NT5DC1: variants seen among roughly 807,000 people sequenced by gnomAD.
NT5DC1 encodes 5'-nucleotidase domain-containing protein 1.
NT5DC1 carries 42 observed loss-of-function variants against 59.4 expected under a neutral mutation model. That is an observed-to-expected ratio of 0.71 (90% CI 0.55 to 0.92). The LOEUF is 0.92. Ranked by LOEUF, NT5DC1 falls within the 40% of genes least tolerant of loss-of-function variation. NT5DC1 has a pLI of 0.00. For missense variants in NT5DC1, 501 were observed against 537.1 expected (o/e 0.93, Z 0.66); for synonymous variants, 172 against 188.1 (o/e 0.91, Z 0.70).
In NT5DC1 at chr6:116,247,850, A is replaced by G. The variant is rs1041488881; in HGVS notation, c.*3826A>G. The G allele has an allele frequency of 5.3e-5, 8 of 152,236 alleles. No individual in the cohort carries two copies. Among genetic ancestry groups the G allele is most frequent in the African/African-American group, 1.4e-4 (6 of 41,476 alleles). 9.4% of individuals were successfully genotyped at this position (152,236 alleles called of 1,614,324 possible). ...ACAGAAATGTCAGCGGTTACTTACA[A>G]TGCTTAGCAGCTAAATTCCATGAGT... is the stretch of plus-strand genomic sequence containing the variant. On this transcript the variant is annotated 3_prime_UTR_variant, in exon 12 of 12. Transcript: ENST00000319550.
At chr6:116,167,206 ATTTTTTTTTT>A (rs61348980) in intron 6 of NT5DC1, among the ~76,000 whole-genome samples, 25 of 87,814 alleles carry the variant, frequency 2.8e-4, no homozygotes, top group Non-Finnish European at 4.2e-4. Flanking sequence ...CAAATAGAAG[ATTTTTTTTTT>A]TTTTTTTTTT....
At chr6:116,241,924 AAAAAAAAAAAAAAACAAAAC>A (rs1488499064) in intron 11 of NT5DC1, among the ~76,000 whole-genome samples, 664 of 38,248 alleles carry the variant, frequency 0.017, 27 homozygotes, top group African/African-American at 0.086. Context: ...CTCCGTCTCA[AAAAAAAAAAAAAAACAAAAC>A]AAAAAAAAAA....
chr6:116,212,880 CATTT>C lies in NT5DC1; in HGVS notation c.530-8171_530-8168del, dbSNP rs756050998. 8.5e-5 allele frequency among the ~76,000 whole-genome samples: 13 copies of C among 152,150 alleles called. No homozygotes were observed. The East Asian group carries it at 1.2e-3, about 14-fold the overall frequency. On this transcript the variant is annotated intron_variant, in intron 6 of 11. Coordinates refer to ENST00000319550, the MANE Select transcript of NT5DC1 (RefSeq NM_152729.3). ...TTGGATTTCTTTAAACTGTTTAAAACATTTATGCTGACAAAAGCTTTTCATGTAT... is the reference window on the plus strand; with the variant it reads ...TTGGATTTCTTTAAACTGTTTAAAACATGCTGACAAAAGCTTTTCATGTAT...
At chr6:116,183,173 C>A (rs1018519359) in intron 6 of NT5DC1, among the ~76,000 whole-genome samples, 15 of 152,052 alleles carry the variant, frequency 9.9e-5, no homozygotes, top group African/African-American at 3.6e-4. Flanking sequence ...TGTCGAAGAT[C>A]AGTAGGCTGT....
intron 6 of NT5DC1, among the ~76,000 whole-genome samples, chr6:116,169,019 A>C (rs1262565362): frequency 6.6e-6 from 1 of 152,046 alleles, no homozygotes; most frequent in Non-Finnish European, 1.5e-5. Flanking sequence ...ATTAGCCTCT[A>C]CCTAACCTTG....
intron 6 of NT5DC1, among the ~76,000 whole-genome samples, chr6:116,176,991 T>G (rs1780748186): frequency 6.6e-6 from 1 of 152,208 alleles, no homozygotes; most frequent in East Asian, 1.9e-4. Flanking sequence ...TTTATCTTAC[T>G]GAATTGAAGA....
intron 6 of NT5DC1, among the ~76,000 whole-genome samples, chr6:116,202,472 C>T (rs1178521398): frequency 6.6e-6 from 1 of 151,902 alleles, no homozygotes; most frequent in East Asian, 1.9e-4. Flanking sequence ...CTTGATTCCA[C>T]CTTTAAGAGT....
intron 6 of NT5DC1, among the ~76,000 whole-genome samples, chr6:116,208,061 A>C (rs893835557): frequency 6.6e-6 from 1 of 151,986 alleles, no homozygotes; most frequent in African/African-American, 2.4e-5. Context: ...TGAGCACTTC[A>C]GTCCTCAGTG....
intron 6 of NT5DC1, among the ~76,000 whole-genome samples, chr6:116,139,790 T>C (rs1449826990): frequency 1.3e-5 from 2 of 152,160 alleles, no homozygotes; most frequent in African/African-American, 4.8e-5. Context: ...ATATTAATAT[T>C]AAGACATCTT....
chr6:116,100,979 C>T lies in NT5DC1; in HGVS notation c.49C>T (p.Leu17=), dbSNP rs770028045. ...CGCCTGCGACGTGGTCGGATTCGAC[C>T]TGGACCACACTCTGTGTCGCTACAA... The part of the protein sequence containing the change: ...LAACDVVGFD[L]DHTLCRYNLP... Residue 17 remains leucine (L), a synonymous_variant, in exon 1 of 12, where the codon CTG becomes TTG. Transcript: ENST00000319550. 3.1e-6 allele frequency: 5 copies of T among 1,605,596 alleles called. No individual in the cohort carries two copies. The highest frequency in any genetic ancestry group is 2.7e-5 in the African/African-American group (2 of 73,274).
At chr6:116,164,853 G>T (rs906474813) in intron 6 of NT5DC1, among the ~76,000 whole-genome samples, 1 of 152,058 alleles carries the variant, frequency 6.6e-6, no homozygotes, top group Non-Finnish European at 1.5e-5. Flanking sequence ...GGAGGCCGAG[G>T]CAGGCAGATC....
At chr6:116,138,374 G>A (rs1779674725) in intron 6 of NT5DC1, among the ~76,000 whole-genome samples, 1 of 152,202 alleles carries the variant, frequency 6.6e-6, no homozygotes, top group Non-Finnish European at 1.5e-5. Flanking sequence ...AGGAACTACT[G>A]TGTTGGCTAT....
chr6:116,115,832 A>G (rs1778953643), intron 5 of NT5DC1, 62 bp downstream of exon 5: 5 of 802,260 alleles, frequency 6.2e-6, no homozygotes, highest in Non-Finnish European at 1.1e-5. Flanking sequence ...GGAGGACCTA[A>G]TTATATATTG....
At chr6:116,218,989 T>C (rs556293067) in intron 6 of NT5DC1, among the ~76,000 whole-genome samples, 2 of 152,224 alleles carry the variant, frequency 1.3e-5, no homozygotes, top group Non-Finnish European at 2.9e-5. Flanking sequence ...GTCAGTGACT[T>C]AATCAGAAAT....
Position 116,238,233 on chromosome 6 carries a change from G to C in NT5DC1, c.968G>C (p.Arg323Pro). The C allele has an allele frequency of 1.9e-6, 3 of 1,611,806 alleles. No individual in the cohort carries two copies. The highest frequency in any genetic ancestry group is 2.5e-6 in the Non-Finnish European group (3 of 1,178,664). Residue 323 changes from arginine to proline, a missense_variant, in exon 10 of 12, where the codon CGT becomes CCT. By Grantham distance (103) the Arg-to-Pro change is moderately radical. Transcript: ENST00000319550. ...DSMHSDIFPA[R>P]HYSNWETVLI... The stretch of plus-strand genomic sequence containing the variant: ...ATGCATTCAGATATTTTCCCAGCTC[G>C]TCACTATAGTAATTGGGAGACAGTC...
At chr6:116,142,216 G>A (rs1467328388) in intron 6 of NT5DC1, among the ~76,000 whole-genome samples, 1 of 151,464 alleles carries the variant, frequency 6.6e-6, no homozygotes, top group Non-Finnish European at 1.5e-5. Context: ...GAAGTTGTGG[G>A]ACCAAATTTA....
chr6:116,182,548 AT>A (rs897501278), intron 6 of NT5DC1, among the ~76,000 whole-genome samples: 9 of 150,974 alleles, frequency 6.0e-5, no homozygotes, highest in African/African-American at 2.2e-4. Flanking sequence ...GCCAACACCT[AT>A]TTTTTTTTAT....
At chr6:116,151,110 C>A (rs571014639) in intron 6 of NT5DC1, among the ~76,000 whole-genome samples, 1 of 152,192 alleles carries the variant, frequency 6.6e-6, no homozygotes, top group Admixed American at 6.5e-5. Flanking sequence ...ATTTGCAGCT[C>A]CTAATTGCAA....
Position 116,165,636 on chromosome 6 carries a change from A to C in NT5DC1, c.529+47691A>C, listed in dbSNP as rs139718226. ...GGAGCAGGAGATGACCCCCCTCTAC[A>C]TCTGTTACCAACCACCAGTACCACC... On this transcript the variant is annotated intron_variant, in intron 6 of 11. Coordinates refer to ENST00000319550, the MANE Select transcript of NT5DC1 (RefSeq NM_152729.3). Among the ~76,000 whole-genome samples, 323 of 152,300 alleles carry C rather than the reference A, an allele frequency of 2.1e-3. 1 individual carries two copies. Among genetic ancestry groups the C allele is most frequent in the African/African-American group, 7.4e-3 (306 of 41,568 alleles).
Sources: gnomAD v4.1 joint callset for allele counts (sites outside exome capture counted in the v4.1 genomes callset) on GRCh38, gnomAD v4.1.1 for gene constraint, MANE v1.5 for transcripts, NCBI Gene and HGNC (gene_info 2026-07-23, HGNC 2026-07-21) for gene names.